Variants in SNX1 observed in about 807,000 individuals in gnomAD.
SNX1 encodes the protein sorting nexin 1.
In SNX1, 36 loss-of-function variants were observed where a neutral mutation model predicts 71.8. That is an observed-to-expected ratio of 0.50 (90% CI 0.38 to 0.66). The LOEUF (loss-of-function observed/expected upper bound fraction) is 0.66. Ranked by LOEUF, SNX1 falls within the 30% of genes least tolerant of loss-of-function variation. The pLI is 0.00. For synonymous variants in SNX1, 254 were observed against 240.7 expected (o/e 1.06, Z -0.51); for missense variants, 612 against 646.7 (o/e 0.95, Z 0.58).
chr15:64,103,481 A>C (rs1412946831), intron 1 of SNX1, among the ~76,000 whole-genome samples: 2 of 152,168 alleles, frequency 1.3e-5, no homozygotes, highest in Admixed American at 1.3e-4. Flanking sequence ...TTTCTCATGA[A>C]AATTGTATGG....
chr15:64,125,324 G>A (rs2081239597), intron 5 of SNX1, among the ~76,000 whole-genome samples: 1 of 152,052 alleles, frequency 6.6e-6, no homozygotes, highest in African/African-American at 2.4e-5. Context: ...AATTAGCTGG[G>A]CCTGGTGGCA....
In SNX1 at chr15:64,103,241, A is replaced by G. The variant is rs1305653370; in HGVS notation, c.159+7069A>G. ...CCTAGTAGTGGGGTTGCTGGATGCT[A>G]TGGTAGTTACATTTTTAGTTCTTTT... On this transcript the variant is annotated intron_variant, in intron 1 of 14. Transcript: ENST00000559844. Among the ~76,000 whole-genome samples, 4 of 152,186 alleles carry G rather than the reference A, an allele frequency of 2.6e-5. No homozygotes were observed. The South Asian group carries it at 6.2e-4, about 24-fold the overall frequency.
At position 64,143,826 on chromosome 15, in the gene SNX1, C is replaced by T. The variant is rs934779659; in HGVS notation, c.*6208C>T. 1 of 152,196 alleles carries T rather than the reference C, an allele frequency of 6.6e-6. No individual in the cohort carries two copies. The highest frequency in any genetic ancestry group is 2.4e-5 in the African/African-American group (1 of 41,452). 9.4% of individuals were successfully genotyped at this position (152,196 alleles called of 1,614,324 possible). A position where few individuals can be genotyped will look rare whatever the true frequency, so the allele number is the denominator to read the frequency against. ...TCATAGGCACTTCTAGAAACCAAATCCTTGAAGATGACTAACCAGAAATGC... is the reference window on the plus strand; with the variant it reads ...TCATAGGCACTTCTAGAAACCAAATTCTTGAAGATGACTAACCAGAAATGC... On this transcript the variant is annotated 3_prime_UTR_variant, in exon 15 of 15. Transcript: ENST00000559844.
intron 3 of SNX1, 125 bp downstream of exon 3, chr15:64,118,369 T>C (rs1425165580): frequency 9.4e-7 from 1 of 1,060,668 alleles, no homozygotes; most frequent in South Asian, 1.6e-5. Context: ...ATCTTTATGG[T>C]TAATGGACAG....
chr15:64,119,101 C>A (rs1567324542), intron 4 of SNX1, among the ~76,000 whole-genome samples: 1 of 151,690 alleles, frequency 6.6e-6, no homozygotes, highest in African/African-American at 2.4e-5. Flanking sequence ...ACTAGAATCC[C>A]TTTTTATTTT....
intron 5 of SNX1, among the ~76,000 whole-genome samples, chr15:64,124,178 A>ATATATATATATG (rs1445871067): frequency 8.1e-6 from 1 of 123,552 alleles, no homozygotes; most frequent in African/African-American, 2.9e-5. Context: ...ATATATATAT[A>ATATATATATATG]TGACTGTTTT....
At chr15:64,128,294 A>G (rs2081273753) in intron 8 of SNX1, among the ~76,000 whole-genome samples, 1 of 152,238 alleles carries the variant, frequency 6.6e-6, no homozygotes, top group Non-Finnish European at 1.5e-5. Context: ...AAAATATATC[A>G]ATATAACCAA....
At chr15:64,117,498 T>C (rs1329502269) in intron 2 of SNX1, among the ~76,000 whole-genome samples, 2 of 152,078 alleles carry the variant, frequency 1.3e-5, no homozygotes, top group Admixed American at 1.3e-4. Context: ...GCTCAGGCAG[T>C]CCTCCCACCT....
intron 4 of SNX1, among the ~76,000 whole-genome samples, chr15:64,119,221 C>T (rs537766219): frequency 2.0e-5 from 3 of 152,102 alleles, no homozygotes. Context: ...TGGACTCAAG[C>T]AGTCCTCCCG....
chr15:64,121,630 A>G (rs989238913), intron 4 of SNX1, among the ~76,000 whole-genome samples: 2 of 152,182 alleles, frequency 1.3e-5, no homozygotes, highest in African/African-American at 4.8e-5. Context: ...TTAGAACGTA[A>G]AATGTACCTA....
At chr15:64,135,876 C>T (rs2081354298) in intron 12 of SNX1, among the ~76,000 whole-genome samples, 1 of 151,918 alleles carries the variant, frequency 6.6e-6, no homozygotes, top group Non-Finnish European at 1.5e-5. Context: ...GAGCCAAGAT[C>T]GCACCACTGT....
chr15:64,104,312 G>A lies in SNX1; in HGVS notation c.159+8140G>A, dbSNP rs142855319. Among the ~76,000 whole-genome samples the A allele has an allele frequency of 7.0e-3, 957 of 137,142 alleles. 9 individuals carry two copies. Among genetic ancestry groups the A allele is most frequent in the African/African-American group, 0.025 (908 of 36,402 alleles). 90.0% of individuals were successfully genotyped at this position (137,142 alleles called of 152,430 possible). On this transcript the variant is annotated intron_variant, in intron 1 of 14. Coordinates refer to ENST00000559844, the MANE Select transcript of SNX1 (RefSeq NM_003099.5). The stretch of plus-strand genomic sequence containing the variant: ...TTTTGGGACGGAGTCTCGCTGTGTC[G>A]CCCCAGCTGGAGTGCAGTGGCGCGA...
At chr15:64,105,367 T>G (rs1323606824) in intron 1 of SNX1, among the ~76,000 whole-genome samples, 2 of 152,130 alleles carry the variant, frequency 1.3e-5, no homozygotes, top group Non-Finnish European at 2.9e-5. Flanking sequence ...TAGTTTGGAC[T>G]GGAGAAAAGA....
At chr15:64,127,126 C>A in intron 6 of SNX1, 48 bp from the exon 7 acceptor site, 1 of 1,420,870 alleles carries the variant, frequency 7.0e-7, no homozygotes, top group Non-Finnish European at 9.9e-7. Flanking sequence ...AAGATTTATC[C>A]TCTTCATGAT....
intron 11 of SNX1, among the ~76,000 whole-genome samples, chr15:64,133,260 G>A (rs1006306963): frequency 6.6e-6 from 1 of 152,242 alleles, no homozygotes; most frequent in Admixed American, 6.5e-5. Context: ...AGTGGGTTGG[G>A]CTTGAGTCTA....
rs950913883 is a variant in SNX1, at chr15:64,118,354, A to T, written c.399+110A>T. 4.9e-6 allele frequency: 6 copies of T among 1,216,872 alleles called. No homozygotes were observed. The African/African-American group carries it at 7.6e-5, about 15-fold the overall frequency. 75.4% of individuals were successfully genotyped at this position (1,216,872 alleles called of 1,614,324 possible). On this transcript the variant is annotated intron_variant, in intron 3 of 14. Coordinates refer to ENST00000559844, the MANE Select transcript of SNX1 (RefSeq NM_003099.5). ...TTGAGAAAATATTTGTTACTCTTGA[A>T]GGAGATCTTTATGGTTAATGGACAG...
intron 1 of SNX1, among the ~76,000 whole-genome samples, chr15:64,106,655 T>C (rs911795854): frequency 8.5e-5 from 13 of 152,310 alleles, no homozygotes; most frequent in Non-Finnish European, 1.6e-4. Context: ...TGGGACAGTG[T>C]AATCACAAGG....
In SNX1 at chr15:64,096,056, C is replaced by T. The variant is rs777617638; in HGVS notation, c.43C>T (p.Pro15Ser). ...GGGCSASERL[P>S]PPFPGLEPES... is the part of the protein sequence containing the mutation. ...TGGCTGTAGCGCTTCGGAGAGACTG[C>T]CTCCGCCCTTCCCCGGCCTGGAGCC... The change falls in exon 1 of 15, where the codon CCT becomes TCT. Residue 15 changes from proline to serine, a missense_variant. Around this residue, in one of 2 missense-constraint regions of SNX1, gnomAD observed 316 missense variants for 284.9 expected, o/e 1.11. Transcript: ENST00000559844. 3.4e-5 allele frequency: 54 copies of T among 1,590,288 alleles called. No individual in the cohort carries two copies. Among genetic ancestry groups the T allele is most frequent in the Middle Eastern group, 1.7e-4 (1 of 6,056 alleles).
chr15:64,098,102 C>T (rs752412891), intron 1 of SNX1, among the ~76,000 whole-genome samples: 1 of 152,196 alleles, frequency 6.6e-6, no homozygotes, highest in African/African-American at 2.4e-5. Flanking sequence ...CTTCTGGGCT[C>T]AATGGATCCT....
Sources: gnomAD v4.1 joint callset for allele counts (sites outside exome capture counted in the v4.1 genomes callset) on GRCh38, gnomAD v4.1.1 for gene constraint, gnomAD v4.1.1 regional missense constraint, MANE v1.5 for transcripts, NCBI Gene and HGNC (gene_info 2026-07-23, HGNC 2026-07-21) for gene names.